The following LCLAT1 variants were observed in gnomAD, a reference collection of about 807,000 sequenced individuals.
The protein encoded by LCLAT1 is lysocardiolipin acyltransferase 1.
LCLAT1 carries 11 observed loss-of-function variants against 30.7 expected under a neutral mutation model. That is an observed-to-expected ratio of 0.36 (90% CI 0.23 to 0.59). The LOEUF is 0.59. Ranked by LOEUF, LCLAT1 falls within the 20% of genes least tolerant of loss-of-function variation. The pLI is 0.77. For synonymous variants in LCLAT1, 155 were observed against 151.3 expected, an observed-to-expected ratio of 1.02 and a Z score of -0.18; for missense variants, 402 against 458.6, an observed-to-expected ratio of 0.88 and a Z score of 1.13.
intron 1 of LCLAT1, among the ~76,000 whole-genome samples, chr2:30,516,513 C>T (rs893440715): frequency 9.9e-5 from 15 of 152,154 alleles, no homozygotes; most frequent in African/African-American, 3.1e-4. Context: ...GAACACTAGT[C>T]GCTGGGTTCC....
At chr2:30,503,766 T>G (rs1363499719) in intron 1 of LCLAT1, among the ~76,000 whole-genome samples, 2 of 152,246 alleles carry the variant, frequency 1.3e-5, no homozygotes, top group African/African-American at 4.8e-5. Flanking sequence ...AAAACTTCCT[T>G]GTGACTAAAC....
At chr2:30,595,416 A>T (rs1214515390) in intron 5 of LCLAT1, among the ~76,000 whole-genome samples, 1 of 152,140 alleles carries the variant, frequency 6.6e-6, no homozygotes, top group African/African-American at 2.4e-5. Flanking sequence ...TTGAGCTATC[A>T]AGATGCCTCC....
intron 1 of LCLAT1, among the ~76,000 whole-genome samples, chr2:30,521,489 CTTCTTTTTTTTTTTTTTTTTTTTT>C (rs1349597746): frequency 7.2e-5 from 4 of 55,560 alleles, no homozygotes; most frequent in Admixed American, 6.8e-4. Flanking sequence ...TAAACTACTT[CTTCTTTTTTTTTTTTTTTTTTTTT>C]TTTTTTTTTT....
intron 5 of LCLAT1, among the ~76,000 whole-genome samples, chr2:30,598,602 A>T (rs1210397225): frequency 6.6e-6 from 1 of 151,454 alleles, no homozygotes; most frequent in African/African-American, 2.4e-5. Context: ...CAGCTTGTGG[A>T]TTCATTGATT....
intron 1 of LCLAT1, chr2:30,489,220 G>A (rs1260413306): frequency 6.6e-6 from 1 of 152,170 alleles, no homozygotes; most frequent in Non-Finnish European, 1.5e-5. Context: ...GAGTGGGCTT[G>A]GAGAATACAG....
chr2:30,570,462 G>A lies in LCLAT1; in HGVS notation c.628+2286G>A, dbSNP rs78994094. 2.0e-3 allele frequency among the ~76,000 whole-genome samples: 302 copies of A among 152,254 alleles called. 1 individual carries two copies. The highest frequency in any genetic ancestry group is 7.0e-3 in the African/African-American group (292 of 41,538). On this transcript the variant is annotated intron_variant, in intron 5 of 5. Transcript: ENST00000379509. ...CCTGGCATTATGCTGTGTGTTTTAT[G>A]CCTATGATCAATTCATCTTCACAAC...
chr2:30,632,416 C>T (rs141747395), intron 5 of LCLAT1, among the ~76,000 whole-genome samples: 2 of 152,278 alleles, frequency 1.3e-5, no homozygotes, highest in African/African-American at 2.4e-5. Flanking sequence ...ATATGCCAGA[C>T]ATAATAGGGC....
intron 3 of LCLAT1, among the ~76,000 whole-genome samples, chr2:30,544,472 T>C (rs574062155): frequency 6.6e-6 from 1 of 152,320 alleles, no homozygotes; most frequent in South Asian, 2.1e-4. Context: ...TTCAATTAGT[T>C]ACCAAATCCT....
intron 1 of LCLAT1, among the ~76,000 whole-genome samples, chr2:30,475,957 G>A (rs998802826): frequency 6.6e-6 from 1 of 152,132 alleles, no homozygotes; most frequent in African/African-American, 2.4e-5. Flanking sequence ...TTTTCCAGAT[G>A]ACTTCTAAAG....
chr2:30,482,493 T>G (rs2148312776), intron 1 of LCLAT1, among the ~76,000 whole-genome samples: 1 of 152,354 alleles, frequency 6.6e-6, no homozygotes, highest in South Asian at 2.1e-4. Context: ...AAGAAAAAAG[T>G]TAATACGTAA....
intron 4 of LCLAT1, among the ~76,000 whole-genome samples, chr2:30,562,652 C>T (rs1050275170): frequency 6.6e-6 from 1 of 152,174 alleles, no homozygotes; most frequent in Non-Finnish European, 1.5e-5. Context: ...ATTATTCATA[C>T]TTGCCATCTT....
At chr2:30,525,345 G>A (rs542441354) in intron 1 of LCLAT1, among the ~76,000 whole-genome samples, 21 of 152,236 alleles carry the variant, frequency 1.4e-4, no homozygotes, top group African/African-American at 5.1e-4. Flanking sequence ...CTAAAGTGCT[G>A]GGATTGCAGC....
intron 5 of LCLAT1, among the ~76,000 whole-genome samples, chr2:30,614,838 G>A (rs1365478303): frequency 6.6e-6 from 1 of 152,076 alleles, no homozygotes; most frequent in Admixed American, 6.6e-5. Context: ...TACAATATTA[G>A]GGATCGGAGA....
At chr2:30,568,864 CAAA>C (rs61325694) in intron 5 of LCLAT1, among the ~76,000 whole-genome samples, 183 of 89,114 alleles carry the variant, frequency 2.1e-3, no homozygotes, top group African/African-American at 4.2e-3. Context: ...TCATGAATAG[CAAA>C]AAAAAAAAAA....
chr2:30,572,572 T>A (rs1054793695), intron 5 of LCLAT1, among the ~76,000 whole-genome samples: 4 of 152,210 alleles, frequency 2.6e-5, no homozygotes, highest in African/African-American at 9.7e-5. Context: ...TGGCTCCGTT[T>A]AGCAACTTTC....
Position 30,456,409 on chromosome 2 carries a change from G to T in LCLAT1, c.-5+9026G>T, listed in dbSNP as rs556635084. Among the ~76,000 whole-genome samples, 47 of 128,906 alleles carry T rather than the reference G, an allele frequency of 3.6e-4. 1 individual carries two copies. The Admixed American group carries it at 3.9e-3, about 11-fold the overall frequency. The allele number at this position is 128,906 out of a possible 152,430, so 84.6% of individuals were successfully genotyped here. ...CACAGATACTCCCTGGCAGGGGAAG[G>T]GGGTCTTATTACCACCTGGCAGGGA... On this transcript the variant is annotated intron_variant, in intron 1 of 5. Transcript: ENST00000379509.
In LCLAT1 at chr2:30,643,896, ACTC is replaced by A. The variant is rs1416946360; in HGVS notation, c.*3278_*3280del. 1.3e-5 allele frequency: 2 copies of A among 152,412 alleles called. No individual in the cohort carries two copies. The highest frequency in any genetic ancestry group is 4.8e-5 in the African/African-American group (2 of 41,352). The allele number at this position is 152,412 out of a possible 1,614,324, so 9.4% of individuals were successfully genotyped here. A position where few individuals can be genotyped will look rare whatever the true frequency, so the allele number is the denominator to read the frequency against. On this transcript the variant is annotated 3_prime_UTR_variant, in exon 6 of 6. Coordinates refer to ENST00000379509, the MANE Select transcript of LCLAT1 (RefSeq NM_001002257.3). ...CTGGTCACTGTAGCAGGTAAACACT[ACTC>A]TAACGTGGAGAAATGAGCTTCATGC...
At chr2:30,555,044 G>C (rs1322415955) in intron 3 of LCLAT1, among the ~76,000 whole-genome samples, 3 of 152,038 alleles carry the variant, frequency 2.0e-5, no homozygotes, top group African/African-American at 7.2e-5. Flanking sequence ...TCCATACCTA[G>C]ACTAACACTG....
chr2:30,614,155 G>T (rs1667876070), intron 5 of LCLAT1, among the ~76,000 whole-genome samples: 1 of 57,290 alleles, frequency 1.7e-5, no homozygotes, highest in South Asian at 6.5e-4. Context: ...CGCAGTTTTT[G>T]TGTCCCTGGG....
Sources: allele counts gnomAD v4.1 joint callset (sites outside exome capture counted in the v4.1 genomes callset), GRCh38; gene constraint gnomAD v4.1.1; transcripts MANE v1.5; gene names NCBI Gene and HGNC (gene_info 2026-07-23, HGNC 2026-07-21).